GPATCH8: variants seen among roughly 807,000 people sequenced by gnomAD.
GPATCH8 encodes G patch domain-containing protein 8.
Under a neutral mutation model 118.3 loss-of-function variants are expected in GPATCH8, and 18 were observed. That is an observed-to-expected ratio of 0.15 (90% CI 0.11 to 0.23). The LOEUF (loss-of-function observed/expected upper bound fraction) is 0.23, where lower values mean the gene tolerates loss of function less well. Ranked by LOEUF, GPATCH8 falls within the 10% of genes least tolerant of loss-of-function variation. The pLI, the probability that GPATCH8 is intolerant of heterozygous loss-of-function variation, is 1.00. For missense variants in GPATCH8, 1,631 were observed against 1,873.8 expected, an observed-to-expected ratio of 0.87 and a Z score of 2.39; for synonymous variants, 659 against 684.7, an observed-to-expected ratio of 0.96 and a Z score of 0.59.
chr17:44,412,302 A>G (rs989826300), intron 6 of GPATCH8, among the ~76,000 whole-genome samples: 2 of 152,148 alleles, frequency 1.3e-5, no homozygotes, highest in Non-Finnish European at 2.9e-5. Flanking sequence ...AGGCAGGAGG[A>G]TTGCTTGAGT....
intron 7 of GPATCH8, among the ~76,000 whole-genome samples, chr17:44,404,551 G>A (rs2143685056): frequency 6.6e-6 from 1 of 152,200 alleles, no homozygotes; most frequent in African/African-American, 2.4e-5. Flanking sequence ...AAGCATTTCT[G>A]AGGTAATAAT....
At chr17:44,474,645 T>C in intron 2 of GPATCH8, 184 bp downstream of exon 2, 1 of 683,132 alleles carries the variant, frequency 1.5e-6, no homozygotes, top group Admixed American at 2.1e-5. Context: ...TTGGACTGAT[T>C]TCCCAACATA....
intron 1 of GPATCH8, among the ~76,000 whole-genome samples, chr17:44,478,635 T>G (rs1263087341): frequency 6.6e-6 from 1 of 151,638 alleles, no homozygotes; most frequent in African/African-American, 2.4e-5. Flanking sequence ...CATTCAAGAC[T>G]GGGTAACAAA....
In GPATCH8 at chr17:44,399,537, C is replaced by T. The variant is rs1415259591; in HGVS notation, c.2540G>A (p.Ser847Asn). Residue 847 changes from serine to asparagine, a missense_variant, in exon 8 of 8, where the codon AGT becomes AAT. Ser to Asn is a conservative substitution (Grantham distance 46). Around this residue, in one of 8 missense-constraint regions of GPATCH8, gnomAD observed 922 missense variants for 879.7 expected, o/e 1.05. Coordinates refer to ENST00000591680, the MANE Select transcript of GPATCH8 (RefSeq NM_001002909.4). Reference sequence around the variant, plus strand: ...CCTTGAGCGGCTGCGGGAATGCTCACTGCCTGAATCTTCCTCTTCTTCTTC... The same window carrying T: ...CCTTGAGCGGCTGCGGGAATGCTCATTGCCTGAATCTTCCTCTTCTTCTTC... Reference protein sequence around the residue: ...SEEEEEEDSGSEHSRSRSRSG... With the variant: ...SEEEEEEDSGNEHSRSRSRSG... The T allele has an allele frequency of 1.2e-6, 2 of 1,614,110 alleles. No homozygotes were observed. Among genetic ancestry groups the T allele is most frequent in the African/African-American group, 2.7e-5 (2 of 74,946 alleles).
Position 44,424,315 on chromosome 17 carries a change from T to C in GPATCH8, c.492+34A>G, listed in dbSNP as rs948908124. 2.8e-6 allele frequency: 4 copies of C among 1,436,322 alleles called. No homozygotes were observed. The Admixed American group carries it at 6.7e-5, about 24-fold the overall frequency. The allele number at this position is 1,436,322 out of a possible 1,614,324, so 89.0% of individuals were successfully genotyped here. ...TCCAATTGTTGTAACAATAGATAGG[T>C]ACCTTCTTCTGTTAGCAAGTAACTA... On this transcript the variant is annotated intron_variant, in intron 6 of 7. Coordinates refer to ENST00000591680, the MANE Select transcript of GPATCH8 (RefSeq NM_001002909.4).
intron 1 of GPATCH8, among the ~76,000 whole-genome samples, chr17:44,485,042 T>C (rs1280811761): frequency 2.0e-5 from 3 of 152,042 alleles, no homozygotes; most frequent in East Asian, 3.9e-4. Flanking sequence ...CTCGAACTCC[T>C]GAGCTCAAGA....
chr17:44,406,496 T>TGGGTGG lies in GPATCH8; in HGVS notation c.493-446_493-445insCCACCC, dbSNP rs1555622782. On this transcript the variant is annotated intron_variant, in intron 6 of 7. Transcript: ENST00000591680. ...CTTGAAAAGCAATGTACAGCTTACA[T>TGGGTGG]GGGGGGGGGGGGTTATTTAAATTAG... Among the ~76,000 whole-genome samples the TGGGTGG allele has an allele frequency of 5.7e-4, 12 of 21,078 alleles. 1 individual carries two copies. The highest frequency in any genetic ancestry group is 0.091 in the Middle Eastern group (2 of 22). The allele number at this position is 21,078 out of a possible 152,430, so 13.8% of individuals were successfully genotyped here.
At chr17:44,488,035 G>A (rs1237259703) in intron 1 of GPATCH8, among the ~76,000 whole-genome samples, 1 of 39,602 alleles carries the variant, frequency 2.5e-5, no homozygotes, top group Non-Finnish European at 9.9e-5. Flanking sequence ...CGATTCTCCT[G>A]CCTCAGCCTC....
chr17:44,491,324 A>G (rs1487231966), intron 1 of GPATCH8, among the ~76,000 whole-genome samples: 1 of 152,032 alleles, frequency 6.6e-6, no homozygotes, highest in Non-Finnish European at 1.5e-5. Flanking sequence ...CCCTGTCTCT[A>G]CTAAAAACAC....
rs752208299 is a variant in GPATCH8 at position 44,400,659 on chromosome 17, G to A, written c.1418C>T (p.Pro473Leu). 1.9e-6 allele frequency: 3 copies of A among 1,612,838 alleles called. No individual in the cohort carries two copies. The highest frequency in any genetic ancestry group is 2.2e-5 in the South Asian group (2 of 90,994). Residue 473 changes from proline to leucine, a missense_variant, in exon 8 of 8, where the codon CCC becomes CTC. Around this residue, in one of 8 missense-constraint regions of GPATCH8, gnomAD observed 405 missense variants for 462.7 expected, o/e 0.88. Transcript: ENST00000591680. Reference sequence around the variant, plus strand: ...CTCAGCTTTGCTTCCTGGTTCTGAGGGCTCGGTCATGCTGGTTTCCTTCGG... The same window carrying A: ...CTCAGCTTTGCTTCCTGGTTCTGAGAGCTCGGTCATGCTGGTTTCCTTCGG... ...EQPKETSMTE[P>L]SEPGSKAEAK...
chr17:44,409,741 T>C (rs1319489805), intron 6 of GPATCH8, among the ~76,000 whole-genome samples: 3 of 152,156 alleles, frequency 2.0e-5, no homozygotes, highest in Admixed American at 1.3e-4. Flanking sequence ...AGATTAAATG[T>C]CAAAATAAAT....
chr17:44,435,666 C>A (rs1265173347), intron 4 of GPATCH8, among the ~76,000 whole-genome samples: 1 of 147,772 alleles, frequency 6.8e-6, no homozygotes, highest in African/African-American at 2.5e-5. Flanking sequence ...ATCTGCTTGT[C>A]TCGGCCTCCC....
rs374682530 is a variant in GPATCH8, at chr17:44,399,491, C to A, written c.2586G>T (p.Ser862=). The A allele has an allele frequency of 7.4e-6, 12 of 1,614,028 alleles. No individual in the cohort carries two copies. The highest frequency in any genetic ancestry group is 1.7e-5 in the Admixed American group (1 of 60,002). The change falls in exon 8 of 8, where the codon TCG becomes TCT. Residue 862 remains serine (S), a synonymous_variant. Coordinates refer to ENST00000591680, the MANE Select transcript of GPATCH8 (RefSeq NM_001002909.4). Reference sequence around the variant, plus strand: ...AGTAAGAACGCCGGGAGGAACGATGCGAGGAATGGCGCCGGCCAGACCTTG... The same window carrying A: ...AGTAAGAACGCCGGGAGGAACGATGAGAGGAATGGCGCCGGCCAGACCTTG... The part of the protein sequence containing the change: ...SRSRSGRRHS[S]HRSSRRSYSS...
chr17:44,499,425 G>T (rs1380101068), intron 1 of GPATCH8, among the ~76,000 whole-genome samples: 1 of 152,154 alleles, frequency 6.6e-6, no homozygotes, highest in East Asian at 1.9e-4. Flanking sequence ...AGCCAAGATG[G>T]TGCCATTGCA....
intron 6 of GPATCH8, among the ~76,000 whole-genome samples, chr17:44,407,744 C>G (rs2049286154): frequency 6.6e-6 from 1 of 151,684 alleles, no homozygotes; most frequent in Non-Finnish European, 1.5e-5. Context: ...GCAGCCTCCG[C>G]CTCCCAGGTT....
At chr17:44,499,393 C>A (rs933334200) in intron 1 of GPATCH8, among the ~76,000 whole-genome samples, 1 of 152,130 alleles carries the variant, frequency 6.6e-6, no homozygotes. Context: ...TCACTTGAAC[C>A]CGGGAGGCGG....
intron 3 of GPATCH8, among the ~76,000 whole-genome samples, chr17:44,449,823 T>C (rs1274829444): frequency 6.6e-6 from 1 of 152,204 alleles, no homozygotes; most frequent in Non-Finnish European, 1.5e-5. Context: ...TGAATCTACA[T>C]TTTTAACAAG....
In GPATCH8 at chr17:44,411,681, C is replaced by T. The variant is rs1002404875; in HGVS notation, c.493-5630G>A. Among the ~76,000 whole-genome samples the T allele has an allele frequency of 2.6e-5, 4 of 152,254 alleles. No homozygotes were observed. The East Asian group carries it at 7.7e-4, about 29-fold the overall frequency. On this transcript the variant is annotated intron_variant, in intron 6 of 7. Coordinates refer to ENST00000591680, the MANE Select transcript of GPATCH8 (RefSeq NM_001002909.4). ...TTTAGGGTCTAAAGATTATCCATGG[C>T]GTCTTTCCCTCACCAGATAGCAACT...
intron 3 of GPATCH8, among the ~76,000 whole-genome samples, chr17:44,453,044 G>C (rs1011838805): frequency 1.3e-5 from 2 of 152,126 alleles, no homozygotes; most frequent in African/African-American, 2.4e-5. Context: ...TGTTGCCCAG[G>C]CTGGTCTCGA....
Sources: allele counts gnomAD v4.1 joint callset (sites outside exome capture counted in the v4.1 genomes callset), GRCh38; gene constraint gnomAD v4.1.1; regional missense constraint gnomAD v4.1.1; transcripts MANE v1.5; gene names NCBI Gene and HGNC (gene_info 2026-07-23, HGNC 2026-07-21).